Variants in RARB observed in about 807,000 individuals in gnomAD.
RARB encodes retinoic acid receptor beta.
In RARB, 17 loss-of-function variants were observed where a neutral mutation model predicts 51.9. That is an observed-to-expected ratio of 0.33 (90% CI 0.22 to 0.49). The LOEUF is 0.49. Among genes scored for constraint, RARB ranks in the 20% least tolerant of loss-of-function variants. RARB has a pLI of 0.99. For synonymous variants in RARB, 215 were observed against 195.4 expected (o/e 1.10, Z -0.84); for missense variants, 369 against 550.8 (o/e 0.67, Z 3.30).
chr3:25,262,603 A>G (rs894629957), intron 5 of RARB, among the ~76,000 whole-genome samples: 3 of 152,064 alleles, frequency 2.0e-5, no homozygotes, highest in African/African-American at 4.8e-5. Flanking sequence ...AAGTCCAGCA[A>G]TGGCTGGTTG....
At chr3:25,569,966 A>G (rs2125286227) in intron 4 of RARB, 48 bp downstream of exon 4, 1 of 1,511,498 alleles carries the variant, frequency 6.6e-7, no homozygotes, top group East Asian at 2.3e-5. Flanking sequence ...GAAACCTTGT[A>G]CGTGCATGTG....
At chr3:25,187,744 TGTG>T (rs1197917028) in intron 5 of RARB, among the ~76,000 whole-genome samples, 1 of 152,102 alleles carries the variant, frequency 6.6e-6, no homozygotes, top group Admixed American at 6.6e-5. Context: ...ACAGCCTTGT[TGTG>T]GAGAAAGAAA....
At chr3:25,362,960 TTGA>T (rs1426897671) in intron 5 of RARB, among the ~76,000 whole-genome samples, 1 of 152,138 alleles carries the variant, frequency 6.6e-6, no homozygotes, top group East Asian at 1.9e-4. Flanking sequence ...ATGGCAAATG[TTGA>T]TGAGTAAGAA....
At chr3:25,197,403 C>T (rs1315416647) in intron 5 of RARB, among the ~76,000 whole-genome samples, 1 of 152,070 alleles carries the variant, frequency 6.6e-6, no homozygotes, top group Admixed American at 6.6e-5. Context: ...TCTGAGGCCT[C>T]TGTTCTGTTC....
At chr3:25,591,468 T>C (rs1701611898) in intron 5 of RARB, among the ~76,000 whole-genome samples, 1 of 152,206 alleles carries the variant, frequency 6.6e-6, no homozygotes, top group Admixed American at 6.5e-5. Context: ...GTTTGACTAT[T>C]GGCGTGGAGA....
chr3:25,463,672 A>AAAAT (rs1352835803), intron 2 of RARB, among the ~76,000 whole-genome samples: 1 of 152,122 alleles, frequency 6.6e-6, no homozygotes, highest in Non-Finnish European at 1.5e-5. Context: ...AAAAAAAAAA[A>AAAAT]AAAGATTGTA....
intron 2 of RARB, among the ~76,000 whole-genome samples, chr3:25,055,280 T>C (rs1698412986): frequency 6.6e-6 from 1 of 152,162 alleles, no homozygotes. Context: ...CTATAGTTCA[T>C]TGACAGCGGC....
intron 2 of RARB, among the ~76,000 whole-genome samples, chr3:25,486,276 A>T (rs917053244): frequency 2.6e-5 from 4 of 152,214 alleles, no homozygotes; most frequent in Non-Finnish European, 5.9e-5. Context: ...CTCAAATATC[A>T]GTGCTAGAAG....
intron 2 of RARB, among the ~76,000 whole-genome samples, chr3:24,933,036 T>C: frequency 6.6e-6 from 1 of 152,120 alleles, no homozygotes; most frequent in East Asian, 1.9e-4. Context: ...CCCAGATTTG[T>C]GACATTTCAA....
chr3:24,943,194 C>G (rs1438900973), intron 2 of RARB, among the ~76,000 whole-genome samples: 2 of 152,090 alleles, frequency 1.3e-5, no homozygotes, highest in Admixed American at 6.6e-5. Flanking sequence ...TAAAATACTT[C>G]CGAGTTTAGG....
At chr3:25,219,141 A>C (rs994418781) in intron 5 of RARB, among the ~76,000 whole-genome samples, 1 of 152,194 alleles carries the variant, frequency 6.6e-6, no homozygotes, top group African/African-American at 2.4e-5. Context: ...AACTGCTTAT[A>C]GTCAAGTGGA....
chr3:24,894,365 A>G (rs991833875), intron 2 of RARB, among the ~76,000 whole-genome samples: 2 of 151,296 alleles, frequency 1.3e-5, no homozygotes, highest in African/African-American at 4.9e-5. Flanking sequence ...AACATGCAAT[A>G]TTTAGTTTTC....
chr3:25,456,798 C>T (rs575871519), intron 1 of RARB, among the ~76,000 whole-genome samples: 118 of 149,844 alleles, frequency 7.9e-4, no homozygotes, highest in Non-Finnish European at 1.3e-3. Context: ...TAACGTTTTT[C>T]CCTTTCTGTT....
chr3:25,420,966 T>A, intron 5 of RARB, among the ~76,000 whole-genome samples: 1 of 140,876 alleles, frequency 7.1e-6, no homozygotes, highest in African/African-American at 2.7e-5. Flanking sequence ...AGCCCTAAGG[T>A]GCTGAGGCTC....
intron 2 of RARB, among the ~76,000 whole-genome samples, chr3:25,052,011 T>A (rs1698342799): frequency 1.3e-5 from 2 of 152,296 alleles, no homozygotes; most frequent in South Asian, 4.1e-4. Flanking sequence ...TTTTGTTGAT[T>A]GTGGATACTC....
At chr3:25,213,448 C>G (rs530575700) in intron 5 of RARB, among the ~76,000 whole-genome samples, 1 of 152,182 alleles carries the variant, frequency 6.6e-6, no homozygotes, top group Admixed American at 6.5e-5. Flanking sequence ...TATACCACAT[C>G]TCATTTATTC....
intron 2 of RARB, among the ~76,000 whole-genome samples, chr3:25,034,769 T>A (rs1575128684): frequency 3.9e-5 from 6 of 152,262 alleles, no homozygotes; most frequent in Admixed American, 3.9e-4. Flanking sequence ...GAAACATTTT[T>A]AATCAATTAT....
chr3:25,170,647 A>T lies in RARB; in HGVS notation c.-279-3472A>T, dbSNP rs182422547. On this transcript the variant is annotated intron_variant, in intron 4 of 11. Coordinates refer to the RARB transcript ENST00000383772. Reference sequence around the variant, plus strand: ...GAAGCTTACATGCAAATTTGAGCTAAACTTAATACAAAAATGACCTCTCGT... The same window carrying T: ...GAAGCTTACATGCAAATTTGAGCTATACTTAATACAAAAATGACCTCTCGT... Among the ~76,000 whole-genome samples, 3 of 152,314 alleles carry T rather than the reference A, an allele frequency of 2.0e-5. No individual in the cohort carries two copies. The East Asian group carries it at 5.8e-4, about 29-fold the overall frequency.
chr3:25,466,763 T>C (rs1695450634), intron 2 of RARB, among the ~76,000 whole-genome samples: 1 of 152,200 alleles, frequency 6.6e-6, no homozygotes, highest in Non-Finnish European at 1.5e-5. Flanking sequence ...GGCTATGTGG[T>C]CTTTGCTGCC....
Sources: gnomAD v4.1 joint callset for allele counts (sites outside exome capture counted in the v4.1 genomes callset) on GRCh38, gnomAD v4.1.1 for gene constraint, MANE v1.5 for transcripts, NCBI Gene and HGNC (gene_info 2026-07-23, HGNC 2026-07-21) for gene names.